Variants in QDPR observed in about 807,000 individuals in gnomAD.
QDPR encodes the protein dihydropteridine reductase.
A neutral mutation model predicts 31.7 loss-of-function variants in QDPR; 23 were observed. The ratio of observed to expected loss-of-function variants is 0.73; its 90% CI spans 0.52 to 1.03. The LOEUF is 1.03. Among genes scored for constraint, QDPR ranks in the 50% least tolerant of loss-of-function variants. The pLI, the probability that QDPR is intolerant of heterozygous loss-of-function variation, is 0.00. For synonymous variants in QDPR, 124 were observed against 124.7 expected, an observed-to-expected ratio of 0.99 and a Z score of 0.03; for missense variants, 324 against 323.8, an observed-to-expected ratio of 1.00 and a Z score of 0.00.
At position 17,512,018 on chromosome 4, in the gene QDPR, C is replaced by A. The variant is rs908304073; in HGVS notation, c.37G>T (p.Val13Leu). 1 of 1,607,410 alleles carries A rather than the reference C, an allele frequency of 6.2e-7. No homozygotes were observed. Among genetic ancestry groups the A allele is most frequent in the Non-Finnish European group, 8.5e-7 (1 of 1,177,770 alleles). ...AAAAAGEARRVLVYGGRGALG... is the reference protein window; with the variant it reads ...AAAAAGEARRLLVYGGRGALG... ...GCGCCCCTGCCGCCGTACACCAGCA[C>A]CCGGCGCGCCTCGCCTGCAGCCGCC... The change falls in exon 1 of 7, where the codon GTG becomes TTG. Residue 13 changes from valine to leucine, a missense_variant. By Grantham distance (32) the Val-to-Leu change is conservative. Transcript: ENST00000281243.
intron 4 of QDPR, 114 bp downstream of exon 4, chr4:17,501,605 T>C: frequency 8.0e-7 from 1 of 1,254,472 alleles, no homozygotes; most frequent in Non-Finnish European, 1.1e-6. Context: ...CATCTATCTG[T>C]TAAGCAGCTT....
chr4:17,494,645 T>C (rs532314381), intron 4 of QDPR, among the ~76,000 whole-genome samples: 4 of 152,326 alleles, frequency 2.6e-5, no homozygotes, highest in Non-Finnish European at 4.4e-5. Context: ...ATCCCCTTTG[T>C]ACAGTACTGA....
At chr4:17,508,557 T>C (rs939041833) in intron 2 of QDPR, among the ~76,000 whole-genome samples, 1 of 151,892 alleles carries the variant, frequency 6.6e-6, no homozygotes, top group African/African-American at 2.4e-5. Flanking sequence ...CTAAATAAAT[T>C]GTGGCCATTC....
chr4:17,504,454 G>A lies in QDPR; in HGVS notation c.220C>T (p.Leu74Phe). The part of the protein sequence containing the change: ...ADQVTAEVGK[L>F]LGEEKVDAIL... ...GCATCCACCTTCTCTTCACCCAAGA[G>A]CTTTCCAACCTCAGCAGTCACCTTC... Residue 74 changes from leucine to phenylalanine, a missense_variant, in exon 3 of 7, where the codon CTC becomes TTC. Coordinates refer to ENST00000281243, the MANE Select transcript of QDPR (RefSeq NM_000320.3). 6.2e-7 allele frequency: 1 copy of A among 1,614,146 alleles called. No homozygotes were observed. The highest frequency in any genetic ancestry group is 8.5e-7 in the Non-Finnish European group (1 of 1,180,006).
Position 17,504,557 on chromosome 4 carries a change from T to C in QDPR, c.199-82A>G, listed in dbSNP as rs903331171. Reference sequence around the variant, plus strand: ...CATCTTTACGGATACTCAGTTTCTTTTTCTCTTCTTTTTAAGCCAGTTTAC... The same window carrying C: ...CATCTTTACGGATACTCAGTTTCTTCTTCTCTTCTTTTTAAGCCAGTTTAC... On this transcript the variant is annotated intron_variant, in intron 2 of 6. Coordinates refer to ENST00000281243, the MANE Select transcript of QDPR (RefSeq NM_000320.3). The C allele has an allele frequency of 3.1e-5, 35 of 1,141,920 alleles. No individual in the cohort carries two copies. The African/African-American group carries it at 5.2e-4, about 17-fold the overall frequency. The allele number at this position is 1,141,920 out of a possible 1,614,324, so 70.7% of individuals were successfully genotyped here.
chr4:17,507,035 T>C (rs1350270448), intron 2 of QDPR, among the ~76,000 whole-genome samples: 3 of 152,236 alleles, frequency 2.0e-5, no homozygotes, highest in Non-Finnish European at 4.4e-5. Context: ...TTTTGCTTAT[T>C]TGTATTTTCT....
intron 4 of QDPR, 78 bp downstream of exon 4, chr4:17,501,641 C>T: frequency 6.5e-7 from 1 of 1,544,944 alleles, no homozygotes; most frequent in East Asian, 2.2e-5. Context: ...TAACAGTCCT[C>T]ATCCCATGAA....
rs1577184939 is a variant in QDPR at position 17,490,896 on chromosome 4, G to C, written c.546-151C>G. 16 of 683,314 alleles carry C rather than the reference G, an allele frequency of 2.3e-5. No individual in the cohort carries two copies. The East Asian group carries it at 4.6e-4, about 19-fold the overall frequency. 42.3% of individuals were successfully genotyped at this position (683,314 alleles called of 1,614,324 possible). A position where few individuals can be genotyped will look rare whatever the true frequency, so the allele number is the denominator to read the frequency against. On this transcript the variant is annotated intron_variant, in intron 5 of 6. Transcript: ENST00000281243. ...GCTATTTACATGGAAAGATCAGACA[G>C]AAAGATAAGCAGAGAGAGAGCAGGA...
intron 6 of QDPR, among the ~76,000 whole-genome samples, chr4:17,488,421 A>C (rs1305136355): frequency 6.6e-6 from 1 of 152,158 alleles, no homozygotes; most frequent in East Asian, 1.9e-4. Context: ...TAGAGTACCC[A>C]CAGCTGCACC....
chr4:17,492,180 C>G, intron 5 of QDPR, 52 bp downstream of exon 5: 1 of 1,502,470 alleles, frequency 6.7e-7, no homozygotes, highest in Non-Finnish European at 9.2e-7. Flanking sequence ...AAACGGTCAC[C>G]TGCAGCAGTG....
At chr4:17,510,478 T>C (rs1396586962) in intron 1 of QDPR, among the ~76,000 whole-genome samples, 1 of 152,222 alleles carries the variant, frequency 6.6e-6, no homozygotes. Flanking sequence ...AAACACAGCA[T>C]CTATTCATCA....
chr4:17,490,540 G>C, intron 6 of QDPR, 122 bp downstream of exon 6: 1 of 766,440 alleles, frequency 1.3e-6, no homozygotes, highest in Non-Finnish European at 2.3e-6. Context: ...CAGAGTCCCA[G>C]AGACCTCCCA....
chr4:17,508,543 C>T (rs1483784314), intron 2 of QDPR, among the ~76,000 whole-genome samples: 1 of 150,666 alleles, frequency 6.6e-6, no homozygotes, highest in Non-Finnish European at 1.5e-5. Flanking sequence ...GTACAATAAA[C>T]AAACTAAATA....
chr4:17,487,195 G>T lies in QDPR; in HGVS notation c.671C>A (p.Ser224Ter). ...DWITGKNRPS[S>*]GSLIQVVTTE... ...GGTTACCACCTGGATTAGGCTTCCTGAGCTCGGTCGGTTTTTCCCTGTGAT... is the reference window on the plus strand; with the variant it reads ...GGTTACCACCTGGATTAGGCTTCCTTAGCTCGGTCGGTTTTTCCCTGTGAT... The change falls in exon 7 of 7, where the codon TCA (serine) becomes TAA (stop). Residue 224 changes from serine (S) to a stop codon, truncating the protein, a stop_gained. Transcript: ENST00000281243. LOFTEE classifies it high-confidence loss of function. The T allele has an allele frequency of 6.2e-7, 1 of 1,614,118 alleles. No individual in the cohort carries two copies. Among genetic ancestry groups the T allele is most frequent in the Non-Finnish European group, 8.5e-7 (1 of 1,180,022 alleles).
chr4:17,510,502 TATTA>T (rs1002319600), intron 1 of QDPR, among the ~76,000 whole-genome samples: 1 of 152,190 alleles, frequency 6.6e-6, no homozygotes, highest in African/African-American at 2.4e-5. Context: ...TTTGTTATAT[TATTA>T]ATTAACTTGT....
Position 17,493,942 on chromosome 4 carries a change from C to T in QDPR, c.437-1602G>A, listed in dbSNP as rs565098409. ...ATCCAGAGGGGCTCATAACGACACA[C>T]AGGAATAGAGTACTTAATTGTGAGC... is the stretch of plus-strand genomic sequence containing the variant. On this transcript the variant is annotated intron_variant, in intron 4 of 6. Transcript: ENST00000281243. Among the ~76,000 whole-genome samples the T allele has an allele frequency of 9.4e-4, 143 of 152,240 alleles. 1 individual carries two copies. The highest frequency in any genetic ancestry group is 3.2e-3 in the African/African-American group (134 of 41,528).
chr4:17,494,950 G>A (rs1159906673), intron 4 of QDPR, among the ~76,000 whole-genome samples: 2 of 152,182 alleles, frequency 1.3e-5, no homozygotes, highest in Non-Finnish European at 2.9e-5. Flanking sequence ...AACCATGGAG[G>A]GCACGCACAG....
chr4:17,511,595 G>A (rs1394494150), intron 1 of QDPR, among the ~76,000 whole-genome samples: 1 of 152,132 alleles, frequency 6.6e-6, no homozygotes, highest in Non-Finnish European at 1.5e-5. Context: ...CTAGTAACCG[G>A]GACTGGGCTG....
At chr4:17,500,629 C>A (rs950422144) in intron 4 of QDPR, among the ~76,000 whole-genome samples, 1 of 152,186 alleles carries the variant, frequency 6.6e-6, no homozygotes, top group Non-Finnish European at 1.5e-5. Flanking sequence ...CAGAAGGAGC[C>A]AGCCCTGCAG....
Sources: gnomAD v4.1 joint callset for allele counts (sites outside exome capture counted in the v4.1 genomes callset) on GRCh38, gnomAD v4.1.1 for gene constraint, MANE v1.5 for transcripts, NCBI Gene and HGNC (gene_info 2026-07-23, HGNC 2026-07-21) for gene names.